The following SEMA6A variants were observed in gnomAD, a reference collection of about 807,000 sequenced individuals.
SEMA6A encodes semaphorin-6A.
In SEMA6A, 25 loss-of-function variants were observed where a neutral mutation model predicts 96.8. The ratio of observed to expected loss-of-function variants is 0.26; its 90% CI spans 0.19 to 0.36. The LOEUF is 0.36. Among genes scored for constraint, SEMA6A ranks in the 10% least tolerant of loss-of-function variants. SEMA6A has a pLI of 1.00. For synonymous variants in SEMA6A, 612 were observed against 518.0 expected, an observed-to-expected ratio of 1.18 and a Z score of -2.46; for missense variants, 1,363 against 1,323.1, an observed-to-expected ratio of 1.03 and a Z score of -0.47.
At chr5:116,478,180 C>T in intron 13 of SEMA6A, 26 bp from the exon 14 acceptor site, 2 of 1,609,844 alleles carry the variant, frequency 1.2e-6, no homozygotes, top group East Asian at 2.2e-5. Context: ...AAGATAATAT[C>T]ATTAATAGAC....
chr5:116,534,910 CAA>C (rs766285859), intron 1 of SEMA6A, among the ~76,000 whole-genome samples: 3 of 152,060 alleles, frequency 2.0e-5, no homozygotes, highest in Admixed American at 6.5e-5. Context: ...ACAAGTAACT[CAA>C]AAAAGAGTAC....
At chr5:116,459,412 C>G (rs1243140643) in intron 18 of SEMA6A, among the ~76,000 whole-genome samples, 1 of 152,118 alleles carries the variant, frequency 6.6e-6, no homozygotes, top group Non-Finnish European at 1.5e-5. Flanking sequence ...TCCCTTTCTT[C>G]CCAACGTCTA....
intron 7 of SEMA6A, among the ~76,000 whole-genome samples, 168 bp downstream of exon 7, chr5:116,491,571 CA>C (rs1407771859): frequency 2.0e-5 from 3 of 152,028 alleles, no homozygotes; most frequent in Non-Finnish European, 4.4e-5. Context: ...CAAAGACTTG[CA>C]AAAGTACAAT....
chr5:116,483,038 T>TAGGGTGTG (rs763619869), intron 10 of SEMA6A, among the ~76,000 whole-genome samples: 13 of 152,190 alleles, frequency 8.5e-5, no homozygotes, highest in Non-Finnish European at 1.5e-4. Flanking sequence ...GCCAAGAACT[T>TAGGGTGTG]AGGGTGTGAG....
intron 1 of SEMA6A, among the ~76,000 whole-genome samples, chr5:116,536,779 T>A (rs1759732124): frequency 6.9e-6 from 1 of 145,142 alleles, no homozygotes. Context: ...CCGCGGGAGA[T>A]GTTCTCAGCA....
At chr5:116,573,138 G>A (rs761932798) in intron 1 of SEMA6A, among the ~76,000 whole-genome samples, 1 of 152,120 alleles carries the variant, frequency 6.6e-6, no homozygotes, top group Non-Finnish European at 1.5e-5. Flanking sequence ...GACACTTCCC[G>A]CCCCAGAAGG....
At chr5:116,540,299 G>A (rs556710472) in intron 1 of SEMA6A, among the ~76,000 whole-genome samples, 48 of 152,210 alleles carry the variant, frequency 3.2e-4, no homozygotes, top group Middle Eastern at 6.8e-3. Context: ...TAAAAATTAC[G>A]GTAAATGCAA....
rs1004080769 is a variant in SEMA6A at position 116,472,856 on chromosome 5, A to T, written c.1729+217T>A. Reference sequence around the variant, plus strand: ...GCTGGATGAATGACTTCACGAATTTAAAAAAAAAAAAAAAATCCGTAAACT... The same window carrying T: ...GCTGGATGAATGACTTCACGAATTTTAAAAAAAAAAAAAAATCCGTAAACT... On this transcript the variant is annotated intron_variant, in intron 17 of 18. Transcript: ENST00000343348. 4.3e-4 allele frequency: 66 copies of T among 153,464 alleles called. No individual in the cohort carries two copies. In the East Asian group the frequency reaches 4.6e-3, roughly 11 times the overall value. The allele number at this position is 153,464 out of a possible 1,614,324, so 9.5% of individuals were successfully genotyped here. A position where few individuals can be genotyped will look rare whatever the true frequency, so the allele number is the denominator to read the frequency against.
At chr5:116,475,872 TTACTC>T (rs1265905250) in intron 15 of SEMA6A, among the ~76,000 whole-genome samples, 2 of 152,216 alleles carry the variant, frequency 1.3e-5, no homozygotes, top group Admixed American at 6.5e-5. Context: ...ACATCCTTCT[TTACTC>T]TAATTCTCTG....
intron 18 of SEMA6A, among the ~76,000 whole-genome samples, chr5:116,448,582 T>C (rs934757586): frequency 6.6e-6 from 1 of 152,020 alleles, no homozygotes; most frequent in Non-Finnish European, 1.5e-5. Flanking sequence ...GGGCTTCCAG[T>C]TGGGATCTTT....
intron 9 of SEMA6A, among the ~76,000 whole-genome samples, chr5:116,487,543 G>C (rs959425868): frequency 6.6e-6 from 1 of 152,104 alleles, no homozygotes; most frequent in Non-Finnish European, 1.5e-5. Flanking sequence ...AAACTGTTGA[G>C]TATACCTGGA....
chr5:116,463,158 T>C (rs1755523462), intron 18 of SEMA6A, among the ~76,000 whole-genome samples: 1 of 152,182 alleles, frequency 6.6e-6, no homozygotes, highest in African/African-American at 2.4e-5. Context: ...TTTAGGGAGT[T>C]GTTAATGAGA....
chr5:116,559,538 C>CCACACCGCCTTGT (rs776072837), intron 1 of SEMA6A, among the ~76,000 whole-genome samples: 1 of 152,112 alleles, frequency 6.6e-6, no homozygotes, highest in Non-Finnish European at 1.5e-5. Flanking sequence ...TACAACAGCG[C>CCACACCGCCTTGT]GTTACTCCAC....
chr5:116,505,973 T>C (rs779299113), intron 1 of SEMA6A, among the ~76,000 whole-genome samples: 17 of 152,178 alleles, frequency 1.1e-4, no homozygotes, highest in Admixed American at 2.6e-4. Flanking sequence ...TAATGTAAAA[T>C]GAGGATTTCT....
intron 1 of SEMA6A, among the ~76,000 whole-genome samples, chr5:116,555,301 C>T (rs1482068774): frequency 6.6e-6 from 1 of 152,204 alleles, no homozygotes; most frequent in Non-Finnish European, 1.5e-5. Context: ...TCTTTTCTAT[C>T]TCCTCATTAC....
At position 116,486,622 on chromosome 5, in the gene SEMA6A, G is replaced by T. The variant is rs1757061870; in HGVS notation, c.962+127C>A. 4 of 719,748 alleles carry T rather than the reference G, an allele frequency of 5.6e-6. No homozygotes were observed. In the African/African-American group the frequency reaches 7.1e-5, roughly 13 times the overall value. The allele number at this position is 719,748 out of a possible 1,614,324, so 44.6% of individuals were successfully genotyped here. On this transcript the variant is annotated intron_variant, in intron 10 of 18. Coordinates refer to ENST00000343348, the MANE Select transcript of SEMA6A (RefSeq NM_020796.5). Reference sequence around the variant, plus strand: ...TGTTGATGAAAACTAAGTGTTAAGTGCTTCTTAGCTACACACAATGAATGC... The same window carrying T: ...TGTTGATGAAAACTAAGTGTTAAGTTCTTCTTAGCTACACACAATGAATGC...
Position 116,536,732 on chromosome 5 carries a change from G to T in SEMA6A, c.-38-31750C>A, listed in dbSNP as rs1759730014. ...TCCCAGGTCCTGCAACTCTTGAATA[G>T]CTCCATGTGCCGTGTTCTCTTCAGG... On this transcript the variant is annotated intron_variant, in intron 1 of 18. Coordinates refer to ENST00000343348, the MANE Select transcript of SEMA6A (RefSeq NM_020796.5). 2.7e-5 allele frequency among the ~76,000 whole-genome samples: 4 copies of T among 150,898 alleles called. No homozygotes were observed. The South Asian group carries it at 8.3e-4, about 31-fold the overall frequency.
intron 13 of SEMA6A, 76 bp downstream of exon 13, chr5:116,478,466 A>G (rs150918584): frequency 0.015 from 20,987 of 1,404,288 alleles, 189 homozygotes; most frequent in Non-Finnish European, 0.016. Context: ...TCAGTCGGTC[A>G]TGATTTTCTC....
chr5:116,508,845 C>T (rs1758266990), intron 1 of SEMA6A, among the ~76,000 whole-genome samples: 1 of 152,188 alleles, frequency 6.6e-6, no homozygotes, highest in Non-Finnish European at 1.5e-5. Flanking sequence ...CCTCACCTGC[C>T]TGCCCTTGAA....
Sources: gnomAD v4.1 joint callset for allele counts (sites outside exome capture counted in the v4.1 genomes callset) on GRCh38, gnomAD v4.1.1 for gene constraint, MANE v1.5 for transcripts, NCBI Gene and HGNC (gene_info 2026-07-23, HGNC 2026-07-21) for gene names.